The following SLIT2 variants were observed in gnomAD, a reference collection of about 807,000 sequenced individuals.
The protein encoded by SLIT2 is slit guidance ligand 2.
In SLIT2, 41 loss-of-function variants were observed where a neutral mutation model predicts 185.7. The observed-to-expected ratio is 0.22, with a 90% CI of 0.17 to 0.29. SLIT2 has a LOEUF of 0.29. Ranked by LOEUF, SLIT2 falls within the 10% of genes least tolerant of loss-of-function variation. The probability of loss-of-function intolerance (pLI) is 1.00; values close to 1 mark genes in which losing one functional copy is unlikely to be tolerated. For synonymous variants in SLIT2, 693 were observed against 680.2 expected, an observed-to-expected ratio of 1.02 and a Z score of -0.29; for missense variants, 1,571 against 1,909.0, an observed-to-expected ratio of 0.82 and a Z score of 3.30.
At chr4:20,600,125 T>A (rs1444404707) in intron 33 of SLIT2, among the ~76,000 whole-genome samples, 1 of 152,202 alleles carries the variant, frequency 6.6e-6, no homozygotes, top group African/African-American at 2.4e-5. Flanking sequence ...TAAAAAGATT[T>A]CAGAAATTTG....
At chr4:20,347,289 C>T (rs1220170881) in intron 4 of SLIT2, among the ~76,000 whole-genome samples, 2 of 152,184 alleles carry the variant, frequency 1.3e-5, no homozygotes, top group East Asian at 1.9e-4. Flanking sequence ...ACCTTAGAAT[C>T]CCAGGACTTT....
At chr4:20,272,005 A>C (rs1040298073) in intron 4 of SLIT2, among the ~76,000 whole-genome samples, 38 of 152,050 alleles carry the variant, frequency 2.5e-4, no homozygotes, top group African/African-American at 7.7e-4. Flanking sequence ...GTCTGCTCCA[A>C]TTTCTCTTTG....
At chr4:20,458,084 T>C (rs1713281394) in intron 4 of SLIT2, among the ~76,000 whole-genome samples, 1 of 113,400 alleles carries the variant, frequency 8.8e-6, no homozygotes. Context: ...CAGTACACAT[T>C]ATGCAAAAAA....
chr4:20,585,081 A>C (rs1197782206), intron 29 of SLIT2, among the ~76,000 whole-genome samples: 2 of 150,638 alleles, frequency 1.3e-5, no homozygotes, highest in African/African-American at 4.9e-5. Context: ...AAAAAACAAC[A>C]AAAAAAAACA....
intron 4 of SLIT2, among the ~76,000 whole-genome samples, chr4:20,312,856 TG>T (rs1321100792): frequency 6.6e-6 from 1 of 151,990 alleles, no homozygotes; most frequent in African/African-American, 2.4e-5. Context: ...CTTCTTTAAA[TG>T]GCAAATATAA....
At chr4:20,399,202 A>G (rs1423086380) in intron 4 of SLIT2, among the ~76,000 whole-genome samples, 3 of 151,758 alleles carry the variant, frequency 2.0e-5, no homozygotes, top group Admixed American at 6.6e-5. Flanking sequence ...CTTTTATGCT[A>G]TGGCTGGATT....
chr4:20,533,525 C>T (rs747569436), intron 17 of SLIT2, 47 bp from the exon 18 acceptor site: 3 of 1,440,678 alleles, frequency 2.1e-6, no homozygotes, highest in Non-Finnish European at 2.9e-6. Context: ...CAATTCCCAC[C>T]TTGTTAGAAA....
At chr4:20,517,190 T>C (rs1249216931) in intron 11 of SLIT2, among the ~76,000 whole-genome samples, 1 of 152,184 alleles carries the variant, frequency 6.6e-6, no homozygotes, top group Non-Finnish European at 1.5e-5. Context: ...AAAATTACTC[T>C]TTTGGATTGC....
chr4:20,437,976 C>T (rs901875047), intron 4 of SLIT2, among the ~76,000 whole-genome samples: 2 of 151,300 alleles, frequency 1.3e-5, no homozygotes, highest in East Asian at 1.9e-4. Context: ...CTCTTTACCT[C>T]ATACCCCATG....
chr4:20,328,246 C>G (rs2109190318), intron 4 of SLIT2, among the ~76,000 whole-genome samples: 1 of 152,094 alleles, frequency 6.6e-6, no homozygotes, highest in South Asian at 2.1e-4. Context: ...AGAAATTATT[C>G]AAACAAGTAA....
At chr4:20,499,031 C>G (rs1484906191) in intron 9 of SLIT2, among the ~76,000 whole-genome samples, 2 of 152,184 alleles carry the variant, frequency 1.3e-5, no homozygotes, top group Admixed American at 1.3e-4. Context: ...AACTTGCATT[C>G]CTACCAACAG....
chr4:20,256,759 G>T lies in SLIT2; in HGVS notation c.251+16G>T. ...TAAGAGTTCTGTAAGTGCATCCTCT[G>T]TATTTTTAAATAATTTTTTAAGGTT... is the stretch of plus-strand genomic sequence containing the variant. On this transcript the variant is annotated intron_variant, in intron 2 of 36. Coordinates refer to ENST00000504154, the MANE Select transcript of SLIT2 (RefSeq NM_004787.4). The T allele has an allele frequency of 7.7e-7, 1 of 1,306,620 alleles. No individual in the cohort carries two copies. Among genetic ancestry groups the T allele is most frequent in the South Asian group, 1.3e-5 (1 of 74,936 alleles). The allele number at this position is 1,306,620 out of a possible 1,614,324, so 80.9% of individuals were successfully genotyped here.
intron 4 of SLIT2, among the ~76,000 whole-genome samples, chr4:20,416,148 A>G (rs1371275775): frequency 6.6e-6 from 1 of 152,126 alleles, no homozygotes; most frequent in Non-Finnish European, 1.5e-5. Flanking sequence ...TTCTTTCTGG[A>G]TTCGTCCACT....
At chr4:20,445,516 G>A (rs1711666406) in intron 4 of SLIT2, among the ~76,000 whole-genome samples, 1 of 152,156 alleles carries the variant, frequency 6.6e-6, no homozygotes, top group East Asian at 1.9e-4. Flanking sequence ...CTGCTTCAGA[G>A]TATTGTTTTT....
chr4:20,615,372 C>T (rs1475904219), intron 34 of SLIT2: 3 of 152,164 alleles, frequency 2.0e-5, no homozygotes, highest in Non-Finnish European at 4.4e-5. Flanking sequence ...TAACCATGGA[C>T]TACCCAAATC....
chr4:20,526,062 C>T (rs962605411), intron 15 of SLIT2, among the ~76,000 whole-genome samples: 4 of 152,018 alleles, frequency 2.6e-5, no homozygotes, highest in African/African-American at 9.7e-5. Flanking sequence ...CCACATTCAC[C>T]GTCTCTTGGG....
At chr4:20,545,909 C>A (rs12501787) in intron 21 of SLIT2, 122 bp from the exon 22 acceptor site, 45,407 of 462,604 alleles carry the variant, frequency 0.098, 2,500 homozygotes, top group Admixed American at 0.17. Context: ...TGGAACACGA[C>A]ATCTTAAAGC....
chr4:20,384,368 G>A (rs1724771130), intron 4 of SLIT2, among the ~76,000 whole-genome samples: 1 of 152,132 alleles, frequency 6.6e-6, no homozygotes, highest in South Asian at 2.1e-4. Context: ...GTCAAGGGTT[G>A]GAGAGAGATT....
chr4:20,376,903 A>G (rs1281825920), intron 4 of SLIT2, among the ~76,000 whole-genome samples: 3 of 150,878 alleles, frequency 2.0e-5, no homozygotes, highest in Non-Finnish European at 2.9e-5. Flanking sequence ...GGAGAGCTTT[A>G]GGAGAAATAC....
Sources: gnomAD v4.1 joint callset for allele counts (sites outside exome capture counted in the v4.1 genomes callset) on GRCh38, gnomAD v4.1.1 for gene constraint, MANE v1.5 for transcripts, NCBI Gene and HGNC (gene_info 2026-07-23, HGNC 2026-07-21) for gene names.